CHIC1: variants seen among roughly 807,000 people sequenced by gnomAD.
CHIC1 encodes cysteine rich hydrophobic domain 1, also known as cysteine-rich hydrophobic domain-containing protein 1.
CHIC1 carries 7 observed loss-of-function variants against 18.5 expected under a neutral mutation model. The observed-to-expected ratio is 0.38, with a 90% confidence interval of 0.22 to 0.71. The LOEUF is 0.71. Among genes scored for constraint, CHIC1 ranks in the 30% least tolerant of loss-of-function variants. CHIC1 has a pLI of 0.49. For synonymous variants in CHIC1, 77 were observed against 73.5 expected, an observed-to-expected ratio of 1.05 and a Z score of -0.25; for missense variants, 159 against 176.9, an observed-to-expected ratio of 0.90 and a Z score of 0.57.
chrX:73,614,974 A>G (rs2057725742), intron 3 of CHIC1, among the ~76,000 whole-genome samples: 1 of 111,273 alleles, frequency 9.0e-6, no homozygotes, highest in Admixed American at 9.6e-5. Context: ...TTATGTTGGT[A>G]TGTATGCATC....
chrX:73,636,928 A>G (rs747701756), intron 3 of CHIC1, among the ~76,000 whole-genome samples: 1 of 111,543 alleles, frequency 9.0e-6, no homozygotes, highest in South Asian at 3.8e-4. Flanking sequence ...TAAAAAATGC[A>G]GTATATTACA....
At chrX:73,629,806 G>A (rs1428479586) in intron 3 of CHIC1, among the ~76,000 whole-genome samples, 1 of 111,558 alleles carries the variant, frequency 9.0e-6, no homozygotes, top group East Asian at 2.8e-4. Flanking sequence ...TTTTAGGATT[G>A]TTTTTTTCTA....
chrX:73,638,647 A>C (rs2057841338), intron 3 of CHIC1, among the ~76,000 whole-genome samples: 1 of 111,139 alleles, frequency 9.0e-6, no homozygotes, highest in South Asian at 3.8e-4. Context: ...AGAGTACCTG[A>C]TACATATTTT....
chrX:73,652,679 G>A (rs1205961920), intron 3 of CHIC1, among the ~76,000 whole-genome samples: 3 of 112,324 alleles, frequency 2.7e-5, no homozygotes, highest in Non-Finnish European at 5.6e-5. Flanking sequence ...ACCACAATAA[G>A]ATATCATCTC....
chrX:73,573,202 G>A (rs762636035), intron 1 of CHIC1, among the ~76,000 whole-genome samples: 18 of 110,816 alleles, frequency 1.6e-4, no homozygotes, highest in African/African-American at 5.2e-4. Flanking sequence ...GAATAGAGGG[G>A]CCCTTCTCCA....
chrX:73,622,305 G>C (rs2057764123), intron 3 of CHIC1, among the ~76,000 whole-genome samples: 1 of 111,442 alleles, frequency 9.0e-6, no homozygotes, highest in South Asian at 3.7e-4. Flanking sequence ...TGTAGAATTC[G>C]GCTGTGAATC....
At chrX:73,585,937 C>CT (rs1208991948) in intron 3 of CHIC1, among the ~76,000 whole-genome samples, 5 of 111,019 alleles carry the variant, frequency 4.5e-5, no homozygotes, top group Non-Finnish European at 9.5e-5. Context: ...TAATTAAAAG[C>CT]TCATAGTGAA....
chrX:73,595,134 T>G (rs559755857), intron 3 of CHIC1, among the ~76,000 whole-genome samples: 1 of 111,174 alleles, frequency 9.0e-6, no homozygotes, highest in Non-Finnish European at 1.9e-5. Context: ...CAATTGCTGG[T>G]CATATGGCAA....
chrX:73,630,892 T>C (rs778274872), intron 3 of CHIC1, among the ~76,000 whole-genome samples: 6 of 112,229 alleles, frequency 5.3e-5, no homozygotes, highest in South Asian at 3.7e-4. Flanking sequence ...TTGGAAGATA[T>C]TTGAGTACTG....
chrX:73,642,836 T>C (rs1419579273), intron 3 of CHIC1, among the ~76,000 whole-genome samples: 1 of 107,315 alleles, frequency 9.3e-6, no homozygotes, highest in African/African-American at 3.3e-5. Flanking sequence ...GTTGTAGATA[T>C]GCGGTGTTAT....
chrX:73,674,862 G>C (rs2147628866), intron 3 of CHIC1, among the ~76,000 whole-genome samples: 1 of 111,374 alleles, frequency 9.0e-6, no homozygotes, highest in Non-Finnish European at 1.9e-5. Context: ...GCTTTCTCTT[G>C]TGGGCATTTA....
At chrX:73,634,511 C>T (rs1242646709) in intron 3 of CHIC1, among the ~76,000 whole-genome samples, 2 of 112,062 alleles carry the variant, frequency 1.8e-5, no homozygotes, top group African/African-American at 6.5e-5. Context: ...TGGGCACCAT[C>T]CACAAGGTTG....
At chrX:73,637,223 T>G (rs1279855242) in intron 3 of CHIC1, among the ~76,000 whole-genome samples, 1 of 111,529 alleles carries the variant, frequency 9.0e-6, no homozygotes, top group African/African-American at 3.3e-5. Flanking sequence ...CCAAAGTTTC[T>G]TCTGAGAAAT....
chrX:73,572,310 T>G (rs763027973), intron 1 of CHIC1, among the ~76,000 whole-genome samples: 2 of 111,443 alleles, frequency 1.8e-5, no homozygotes, highest in Non-Finnish European at 3.8e-5. Context: ...TTTTTATGGC[T>G]GCATAGGATT....
intron 3 of CHIC1, among the ~76,000 whole-genome samples, chrX:73,631,136 T>A (rs2057804906): frequency 8.9e-6 from 1 of 111,919 alleles, no homozygotes. Flanking sequence ...AGTGTTCTCC[T>A]TTTTTCTTGG....
intron 3 of CHIC1, among the ~76,000 whole-genome samples, chrX:73,593,700 T>C (rs1343358026): frequency 8.9e-6 from 1 of 112,071 alleles, no homozygotes; most frequent in African/African-American, 3.2e-5. Context: ...TTTGATCTAA[T>C]CTTTTTAATG....
chrX:73,586,935 C>T (rs1370207749), intron 3 of CHIC1, among the ~76,000 whole-genome samples: 1 of 111,654 alleles, frequency 9.0e-6, no homozygotes, highest in African/African-American at 3.2e-5. Flanking sequence ...GTTGCAACCG[C>T]TCAACTGTGG....
intron 3 of CHIC1, among the ~76,000 whole-genome samples, chrX:73,600,365 A>C (rs1366355475): frequency 1.2e-4 from 12 of 97,523 alleles, no homozygotes; most frequent in African/African-American, 4.1e-4. Flanking sequence ...AACTTCCAAC[A>C]CTATGTTGAA....
At chrX:73,665,332 T>TA (rs2057999329) in intron 3 of CHIC1, among the ~76,000 whole-genome samples, 1 of 110,960 alleles carries the variant, frequency 9.0e-6, no homozygotes. Context: ...CCCATACTGT[T>TA]AGAGATGTTA....
Sources: gnomAD v4.1 joint callset for allele counts (sites outside exome capture counted in the v4.1 genomes callset) on GRCh38, gnomAD v4.1.1 for gene constraint, MANE v1.5 for transcripts, NCBI Gene and HGNC (gene_info 2026-07-23, HGNC 2026-07-21) for gene names.